Variants in MYT1L observed in about 807,000 individuals in gnomAD.
The protein encoded by MYT1L is myelin transcription factor 1-like protein.
MYT1L carries 12 observed loss-of-function variants against 126.7 expected under a neutral mutation model. The ratio of observed to expected loss-of-function variants is 0.09; its 90% CI spans 0.06 to 0.15. MYT1L has a LOEUF of 0.15. Among genes scored for constraint, MYT1L ranks in the 10% least tolerant of loss-of-function variants. MYT1L has a pLI of 1.00. For synonymous variants in MYT1L, 541 were observed against 604.2 expected (o/e 0.90, Z 1.53); for missense variants, 979 against 1,585.2 (o/e 0.62, Z 6.49).
At chr2:1,856,002 A>G (rs1204604944) in intron 18 of MYT1L, among the ~76,000 whole-genome samples, 2 of 152,250 alleles carry the variant, frequency 1.3e-5, no homozygotes, top group African/African-American at 4.8e-5. Flanking sequence ...GTGGTGATGG[A>G]AAAATCATAA....
intron 2 of MYT1L, among the ~76,000 whole-genome samples, chr2:2,188,467 G>A (rs986749221): frequency 3.3e-5 from 5 of 152,192 alleles, no homozygotes; most frequent in Admixed American, 1.3e-4. Context: ...GTGCACAAGC[G>A]TGTGCAGTGC....
At chr2:2,290,553 T>C (rs191464352) in intron 1 of MYT1L, among the ~76,000 whole-genome samples, 60 of 152,298 alleles carry the variant, frequency 3.9e-4, no homozygotes, top group Non-Finnish European at 8.2e-4. Flanking sequence ...ACTTAATTGC[T>C]CATCACATGT....
intron 4 of MYT1L, among the ~76,000 whole-genome samples, chr2:2,018,304 G>A (rs1310144323): frequency 2.0e-5 from 3 of 152,168 alleles, no homozygotes; most frequent in African/African-American, 7.2e-5. Context: ...AGATGAAGTT[G>A]GCCATCTCCT....
Position 2,240,392 on chromosome 2 carries a change from A to AT in MYT1L, c.-421+44011dup, listed in dbSNP as rs201330940. Among the ~76,000 whole-genome samples, 1,377 of 151,958 alleles carry AT rather than the reference A, an allele frequency of 9.1e-3. 19 individuals are homozygous for AT. Among genetic ancestry groups the AT allele is most frequent in the African/African-American group, 0.031 (1,274 of 41,538 alleles). ...TTAAAAAGTATGGTAACACAGACTC[A>AT]TTTTTAAAAAAAAAGAAATGTAAAT... On this transcript the variant is annotated intron_variant, in intron 2 of 24. Coordinates refer to ENST00000647738, the MANE Select transcript of MYT1L (RefSeq NM_001303052.2).
chr2:1,863,528 G>A (rs1187513751), intron 18 of MYT1L, among the ~76,000 whole-genome samples: 2 of 152,194 alleles, frequency 1.3e-5, no homozygotes, highest in Non-Finnish European at 2.9e-5. Context: ...CAGTGTGACA[G>A]CCACGCTTGC....
At chr2:2,010,970 T>C (rs528797102) in intron 4 of MYT1L, among the ~76,000 whole-genome samples, 20 of 152,210 alleles carry the variant, frequency 1.3e-4, no homozygotes, top group Non-Finnish European at 2.8e-4. Context: ...GGGGTACTCA[T>C]TTCTGAGTAC....
intron 3 of MYT1L, among the ~76,000 whole-genome samples, chr2:2,112,806 T>C (rs1273272085): frequency 1.3e-5 from 2 of 152,184 alleles, no homozygotes; most frequent in African/African-American, 4.8e-5. Flanking sequence ...AACGAATTCA[T>C]TATGAACCTT....
At chr2:1,892,412 C>A in intron 14 of MYT1L, 125 bp from the exon 15 acceptor site, 1 of 1,303,996 alleles carries the variant, frequency 7.7e-7, no homozygotes, top group Non-Finnish European at 1.0e-6. Flanking sequence ...CCTCAGGGTG[C>A]TGGGGCTTAC....
chr2:1,989,605 C>G (rs1423706099), intron 5 of MYT1L, among the ~76,000 whole-genome samples: 1 of 152,160 alleles, frequency 6.6e-6, no homozygotes, highest in Non-Finnish European at 1.5e-5. Flanking sequence ...GTCACAGATG[C>G]TCTACGCAGG....
intron 9 of MYT1L, among the ~76,000 whole-genome samples, chr2:1,930,313 A>C (rs1422003629): frequency 6.6e-6 from 1 of 152,188 alleles, no homozygotes. Flanking sequence ...CACGGAGCAG[A>C]GCGGCACACC....
chr2:1,998,907 G>GAAAA (rs2062110871), intron 4 of MYT1L, among the ~76,000 whole-genome samples: 1 of 151,996 alleles, frequency 6.6e-6, no homozygotes, highest in African/African-American at 2.4e-5. Flanking sequence ...AGAAAAGAAA[G>GAAAA]AAAAAGAGAA....
rs2148395733 is a variant in MYT1L at position 1,840,908 on chromosome 2, T to TC, written c.2775-66_2775-65insG. ...TGATTTCAGTGAGCTTTCTTTCTTT[T>TC]TTTTTTTTTTTTTGAGACAGAGTCT... is the stretch of plus-strand genomic sequence containing the variant. On this transcript the variant is annotated intron_variant, in intron 19 of 24. Coordinates refer to ENST00000647738, the MANE Select transcript of MYT1L (RefSeq NM_001303052.2). The TC allele has an allele frequency of 2.9e-6, 3 of 1,036,048 alleles. No homozygotes were observed. In the East Asian group the frequency reaches 8.1e-5, roughly 28 times the overall value. 64.2% of individuals were successfully genotyped at this position (1,036,048 alleles called of 1,614,324 possible). A position where few individuals can be genotyped will look rare whatever the true frequency, so the allele number is the denominator to read the frequency against.
chr2:2,006,083 C>A (rs895182308), intron 4 of MYT1L, among the ~76,000 whole-genome samples: 4 of 151,928 alleles, frequency 2.6e-5, no homozygotes, highest in Non-Finnish European at 5.9e-5. Flanking sequence ...TTCTTTCCTG[C>A]ATGCCTTCTT....
chr2:2,302,183 C>A (rs1386146619), intron 1 of MYT1L, among the ~76,000 whole-genome samples: 3 of 152,186 alleles, frequency 2.0e-5, no homozygotes, highest in Non-Finnish European at 4.4e-5. Context: ...CATTATCCAT[C>A]CATTATTTCC....
chr2:2,303,826 G>T (rs2149545173), intron 1 of MYT1L: 1 of 152,288 alleles, frequency 6.6e-6, no homozygotes, highest in African/African-American at 2.4e-5. Flanking sequence ...CCTTCTCAGA[G>T]GACAACGTAT....
In MYT1L at chr2:1,943,923, C is replaced by G. The variant is rs1254828228; in HGVS notation, c.153-589G>C. On this transcript the variant is annotated intron_variant, in intron 8 of 24. Transcript: ENST00000647738. The surrounding 1 kb of genome is among the most constrained non-coding windows in gnomAD (Gnocchi z 4.4). The stretch of plus-strand genomic sequence containing the variant: ...GTTGTATGAAAGCAACTGCATCATT[C>G]AAAGTTCTGCAGAACTTCCTCAGTC... Among the ~76,000 whole-genome samples, 1 of 152,128 alleles carries G rather than the reference C, an allele frequency of 6.6e-6. No homozygotes were observed.
intron 4 of MYT1L, among the ~76,000 whole-genome samples, chr2:2,050,072 T>C (rs1370174209): frequency 6.6e-6 from 1 of 152,168 alleles, no homozygotes; most frequent in African/African-American, 2.4e-5. Context: ...ACAGAGTGGA[T>C]GCTTAATAAA....
intron 9 of MYT1L, among the ~76,000 whole-genome samples, chr2:1,934,652 C>A (rs1269076458): frequency 6.6e-6 from 1 of 151,820 alleles, no homozygotes; most frequent in Admixed American, 6.6e-5. Flanking sequence ...ACGAATTACA[C>A]CACTGTCTCT....
At chr2:2,098,062 T>C (rs909295558) in intron 3 of MYT1L, among the ~76,000 whole-genome samples, 5 of 152,182 alleles carry the variant, frequency 3.3e-5, no homozygotes, top group South Asian at 2.1e-4. Flanking sequence ...CCTGAGGCCC[T>C]TACCAGGAGC....
Sources: allele counts gnomAD v4.1 joint callset (sites outside exome capture counted in the v4.1 genomes callset), GRCh38; gene constraint gnomAD v4.1.1; non-coding constraint Gnocchi (gnomAD v3.1); transcripts MANE v1.5; gene names NCBI Gene and HGNC (gene_info 2026-07-23, HGNC 2026-07-21).